The following CREBL2 variants were observed in gnomAD, a reference collection of about 807,000 sequenced individuals.
CREBL2 encodes the protein cAMP responsive element binding protein like 2.
Under a neutral mutation model 19.5 loss-of-function variants are expected in CREBL2, and 4 were observed. That is an observed-to-expected ratio of 0.20 (90% CI 0.10 to 0.47). The LOEUF (loss-of-function observed/expected upper bound fraction) is 0.47. CREBL2 is among the 20% of genes least tolerant of loss of function. CREBL2 has a pLI of 0.98. For missense variants in CREBL2, 85 were observed against 145.1 expected (o/e 0.59, Z 2.13); for synonymous variants, 42 against 46.6 (o/e 0.90, Z 0.40).
At chr12:12,613,116 C>T (rs1024027984) in intron 1 of CREBL2, among the ~76,000 whole-genome samples, 18 of 152,200 alleles carry the variant, frequency 1.2e-4, no homozygotes, top group African/African-American at 1.7e-4. Context: ...GGTGTCCGCT[C>T]GCCTCGGCCT....
intron 1 of CREBL2, chr12:12,614,467 CTTTTT>C (rs34307341): frequency 3.9e-5 from 5 of 128,510 alleles, no homozygotes; most frequent in South Asian, 2.5e-4. Flanking sequence ...ATTTAGTTTC[CTTTTT>C]TTTTTTTTTT....
intron 3 of CREBL2, among the ~76,000 whole-genome samples, chr12:12,638,810 G>A (rs183831072): frequency 4.7e-4 from 72 of 152,266 alleles, no homozygotes; most frequent in African/African-American, 1.4e-3. Flanking sequence ...GCCCATCATC[G>A]TAAGGATTGT....
chr12:12,619,117 C>CT (rs1945340614), intron 1 of CREBL2, among the ~76,000 whole-genome samples: 1 of 151,936 alleles, frequency 6.6e-6, no homozygotes, highest in Admixed American at 6.6e-5. Context: ...TTTAGTAATT[C>CT]TTAAGTATAT....
In CREBL2 at chr12:12,640,707, G is replaced by A. The variant is rs549482288; in HGVS notation, c.359-1287G>A. Among the ~76,000 whole-genome samples, 42 of 152,276 alleles carry A rather than the reference G, an allele frequency of 2.8e-4. No homozygotes were observed. In the South Asian group the frequency reaches 3.9e-3, roughly 14 times the overall value. On this transcript the variant is annotated intron_variant, in intron 3 of 3. Coordinates refer to ENST00000228865, the MANE Select transcript of CREBL2 (RefSeq NM_001310.4). ...TCTTCACAATTTATGTTCCTCTGCCGCGGCTCCAGCCGGTCCCTCTGTTCA... is the reference window on the plus strand; with the variant it reads ...TCTTCACAATTTATGTTCCTCTGCCACGGCTCCAGCCGGTCCCTCTGTTCA...
rs1008087506 is a variant in CREBL2 at position 12,644,540 on chromosome 12, C to T, written c.*2542C>T. 9.8e-5 allele frequency: 15 copies of T among 152,542 alleles called. No homozygotes were observed. The highest frequency in any genetic ancestry group is 8.8e-5 in the Non-Finnish European group (6 of 68,012). The allele number at this position is 152,542 out of a possible 1,614,324, so 9.4% of individuals were successfully genotyped here. A position where few individuals can be genotyped will look rare whatever the true frequency, so the allele number is the denominator to read the frequency against. On this transcript the variant is annotated 3_prime_UTR_variant, in exon 4 of 4. Transcript: ENST00000228865. Reference sequence around the variant, plus strand: ...TATGTTTAGACCAGCCAAATTCTGTCATTATTTTAGTATCAACCTGCTGTA... The same window carrying T: ...TATGTTTAGACCAGCCAAATTCTGTTATTATTTTAGTATCAACCTGCTGTA...
intron 1 of CREBL2, among the ~76,000 whole-genome samples, chr12:12,624,947 T>C (rs1422186599): frequency 1.3e-5 from 2 of 152,228 alleles, no homozygotes. Context: ...GGGATGGGAC[T>C]GGTAGGTAAT....
chr12:12,625,578 G>A (rs565940323), intron 1 of CREBL2, among the ~76,000 whole-genome samples: 8 of 152,276 alleles, frequency 5.3e-5, no homozygotes, highest in Non-Finnish European at 2.9e-5. Context: ...AGATGTGGAT[G>A]GTAATAGGCA....
Position 12,612,145 on chromosome 12 carries a change from G to T in CREBL2, c.-28G>T. On this transcript the variant is annotated 5_prime_UTR_variant, in exon 1 of 4. Transcript: ENST00000228865. The stretch of plus-strand genomic sequence containing the variant: ...CCGGGGGAGGGCTCCGGGAGGGAGT[G>T]CCTGGCCAGGCCGGCCTGTCTGCCG... 6.2e-7 allele frequency: 1 copy of T among 1,610,858 alleles called. No individual in the cohort carries two copies.
chr12:12,631,623 G>C (rs1403720702), intron 1 of CREBL2, among the ~76,000 whole-genome samples: 1 of 152,206 alleles, frequency 6.6e-6, no homozygotes, highest in Non-Finnish European at 1.5e-5. Flanking sequence ...GTGAAGAATG[G>C]TCTTTTGGCC....
At chr12:12,625,999 T>C (rs571964773) in intron 1 of CREBL2, among the ~76,000 whole-genome samples, 45 of 152,276 alleles carry the variant, frequency 3.0e-4, no homozygotes, top group African/African-American at 1.0e-3. Context: ...TAATGTGAAA[T>C]AACATGAGAT....
intron 1 of CREBL2, among the ~76,000 whole-genome samples, chr12:12,632,075 T>TTTTTTTC (rs1224235084): frequency 9.8e-5 from 12 of 121,840 alleles, no homozygotes; most frequent in African/African-American, 3.6e-4. Context: ...TTTCTTTTTT[T>TTTTTTTC]TTTTTTTTTT....
At position 12,643,951 on chromosome 12, in the gene CREBL2, A is replaced by G. The variant is rs1370769968; in HGVS notation, c.*1953A>G. The G allele has an allele frequency of 6.6e-6, 1 of 152,630 alleles. No homozygotes were observed. The highest frequency in any genetic ancestry group is 1.5e-5 in the Non-Finnish European group (1 of 68,042). 9.5% of individuals were successfully genotyped at this position (152,630 alleles called of 1,614,324 possible). A position where few individuals can be genotyped will look rare whatever the true frequency, so the allele number is the denominator to read the frequency against. ...AAACTTACTTTATGTTGCTTTGTTC[A>G]GTACCTTTTGAATTCCCCCAGAAGA... On this transcript the variant is annotated 3_prime_UTR_variant, in exon 4 of 4. Transcript: ENST00000228865.
At chr12:12,629,129 G>C (rs569052338) in intron 1 of CREBL2, among the ~76,000 whole-genome samples, 1 of 152,036 alleles carries the variant, frequency 6.6e-6, no homozygotes. Context: ...TGAACTTTAG[G>C]ATTAGCCTGC....
At position 12,643,362 on chromosome 12, in the gene CREBL2, A is replaced by T. The variant is rs1467578062; in HGVS notation, c.*1364A>T. 6.6e-6 allele frequency: 1 copy of T among 152,204 alleles called. No homozygotes were observed. The highest frequency in any genetic ancestry group is 1.5e-5 in the Non-Finnish European group (1 of 67,928). The allele number at this position is 152,204 out of a possible 1,614,324, so 9.4% of individuals were successfully genotyped here. A position where few individuals can be genotyped will look rare whatever the true frequency, so the allele number is the denominator to read the frequency against. The stretch of plus-strand genomic sequence containing the variant: ...TGATTTCCCCAGCGAGATACTTACC[A>T]CTCTCTCTTCTCTTTCCCATGGTTA... On this transcript the variant is annotated 3_prime_UTR_variant, in exon 4 of 4. Transcript: ENST00000228865.
intron 1 of CREBL2, among the ~76,000 whole-genome samples, chr12:12,628,062 A>G (rs1403736737): frequency 6.6e-6 from 1 of 151,922 alleles, no homozygotes; most frequent in Non-Finnish European, 1.5e-5. Context: ...TTTTATTTTT[A>G]GTAGAGATGG....
At chr12:12,622,357 G>A (rs1945365953) in intron 1 of CREBL2, among the ~76,000 whole-genome samples, 1 of 152,180 alleles carries the variant, frequency 6.6e-6, no homozygotes, top group African/African-American at 2.4e-5. Context: ...AGAATAGAGA[G>A]CTAAAGAGAA....
At chr12:12,626,662 C>G (rs910529881) in intron 1 of CREBL2, among the ~76,000 whole-genome samples, 2 of 152,096 alleles carry the variant, frequency 1.3e-5, no homozygotes, top group African/African-American at 4.8e-5. Flanking sequence ...TCATCACTAT[C>G]TAATTCCAGA....
chr12:12,626,229 A>G (rs1945400677), intron 1 of CREBL2, among the ~76,000 whole-genome samples: 1 of 143,516 alleles, frequency 7.0e-6, no homozygotes, highest in African/African-American at 2.5e-5. Flanking sequence ...CTATAATTAT[A>G]TGTTCTCTTT....
At chr12:12,618,247 G>A (rs1414746571) in intron 1 of CREBL2, among the ~76,000 whole-genome samples, 3 of 151,294 alleles carry the variant, frequency 2.0e-5, no homozygotes, top group Admixed American at 6.6e-5. Flanking sequence ...GGCGGCTGCC[G>A]GGCGGAGACG....
Sources: allele counts gnomAD v4.1 joint callset (sites outside exome capture counted in the v4.1 genomes callset), GRCh38; gene constraint gnomAD v4.1.1; transcripts MANE v1.5; gene names NCBI Gene and HGNC (gene_info 2026-07-23, HGNC 2026-07-21).